Variants in PUM3 observed in about 807,000 individuals in gnomAD.
The protein encoded by PUM3 is pumilio RNA binding family member 3, also known as pumilio homolog 3.
PUM3 carries 91 observed loss-of-function variants against 84.0 expected under a neutral mutation model. That is an observed-to-expected ratio of 1.08 (90% confidence interval 0.91 to 1.29). The LOEUF is 1.29. PUM3 is among the 50% of genes most tolerant of loss of function. The probability of loss-of-function intolerance (pLI) is 0.00; values close to 1 mark genes in which losing one functional copy is unlikely to be tolerated. For synonymous variants in PUM3, 321 were observed against 266.7 expected (o/e 1.20, Z -1.98); for missense variants, 1,067 against 767.5 (o/e 1.39, Z -4.61).
At position 2,820,024 on chromosome 9, in the gene PUM3, G is replaced by C; in HGVS notation, c.1263C>G (p.Ile421Met). The change falls in exon 13 of 18, where the codon ATC (isoleucine) becomes ATG (methionine). Residue 421 changes from isoleucine to methionine, a missense_variant. Transcript: ENST00000397885. The part of the protein sequence containing the change: ...IDDTKLVKQI[I>M]ISEIISSLPS... ...GACCATCAGGATTACTTACTGATAT[G>C]ATTATCTGCTTCACAAGCTTAGTAT... is the stretch of plus-strand genomic sequence containing the variant. The C allele has an allele frequency of 6.2e-7, 1 of 1,603,190 alleles. No individual in the cohort carries two copies.
Position 2,819,853 on chromosome 9 carries a change from A to G in PUM3, c.1269+165T>C, listed in dbSNP as rs556132498. Among the ~76,000 whole-genome samples, 15 of 152,340 alleles carry G rather than the reference A, an allele frequency of 9.8e-5. No homozygotes were observed. The East Asian group carries it at 1.3e-3, about 14-fold the overall frequency. ...TTACAAGGTTAAGATTTACACAGGA[A>G]TAAAACAAACCTCCAAAATAAAACA... is the stretch of plus-strand genomic sequence containing the variant. On this transcript the variant is annotated intron_variant, in intron 13 of 17. Coordinates refer to ENST00000397885, the MANE Select transcript of PUM3 (RefSeq NM_014878.5).
chr9:2,840,117 A>C (rs1816232259), intron 1 of PUM3, among the ~76,000 whole-genome samples: 1 of 152,218 alleles, frequency 6.6e-6, no homozygotes, highest in African/African-American at 2.4e-5. Context: ...TTGGAAGACT[A>C]CCAGAGGTCA....
At chr9:2,829,994 G>T (rs755566537) in intron 7 of PUM3, 46 bp from the exon 8 acceptor site, 1 of 1,546,706 alleles carries the variant, frequency 6.5e-7, no homozygotes, top group East Asian at 2.3e-5. Context: ...GAAGGAGAAA[G>T]CTGGGTGACA....
At chr9:2,843,284 AG>A (rs758959348) in intron 1 of PUM3, among the ~76,000 whole-genome samples, 13 of 152,240 alleles carry the variant, frequency 8.5e-5, no homozygotes, top group Middle Eastern at 3.4e-3. Context: ...TCAGGAACTT[AG>A]CCCATTATCG....
intron 2 of PUM3, 144 bp from the exon 3 acceptor site, chr9:2,837,545 T>G (rs1189996154): frequency 5.0e-6 from 3 of 596,430 alleles, no homozygotes; most frequent in African/African-American, 3.8e-5. Flanking sequence ...GCCTTTTGAG[T>G]AGAACTGGAT....
Position 2,828,731 on chromosome 9 carries a change from T to A in PUM3, c.900A>T (p.Glu300Asp). The A allele has an allele frequency of 6.2e-7, 1 of 1,610,412 alleles. No individual in the cohort carries two copies. The highest frequency in any genetic ancestry group is 8.5e-7 in the Non-Finnish European group (1 of 1,176,712). ...TTTCATCCATAATAAGTTCTAATTT[T>A]TCTGGCTGTACCTCTAACACTTTGT... Reference protein sequence around the residue: ...TLDKVLEVQPEKLELIMDEMK... With the variant: ...TLDKVLEVQPDKLELIMDEMK... The change falls in exon 9 of 18, where the codon GAA becomes GAT. Residue 300 changes from glutamate to aspartate, a missense_variant. Physicochemically the swap from Glu to Asp is conservative, Grantham distance 45 (BLOSUM62 2). Coordinates refer to ENST00000397885, the MANE Select transcript of PUM3 (RefSeq NM_014878.5).
chr9:2,836,466 G>C (rs1007958485), intron 3 of PUM3, among the ~76,000 whole-genome samples: 4 of 152,178 alleles, frequency 2.6e-5, no homozygotes, highest in Non-Finnish European at 5.9e-5. Context: ...GGTTAGAAAT[G>C]ACCCACTGAA....
At chr9:2,841,567 C>G (rs1352732155) in intron 1 of PUM3, among the ~76,000 whole-genome samples, 3 of 152,156 alleles carry the variant, frequency 2.0e-5, no homozygotes, top group Non-Finnish European at 4.4e-5. Context: ...GACTCTATTT[C>G]AAATGTTAAA....
chr9:2,829,990 GAA>G lies in PUM3; in HGVS notation c.678-44_678-43del, dbSNP rs1243123640. ...CATGGAAAAATAAATGATAGAAGGA[GAA>G]AGCTGGGTGACAATAAAACACAACT... On this transcript the variant is annotated intron_variant, in intron 7 of 17. Coordinates refer to ENST00000397885, the MANE Select transcript of PUM3 (RefSeq NM_014878.5). 1.9e-6 allele frequency: 3 copies of G among 1,558,346 alleles called. No homozygotes were observed. In the East Asian group the frequency reaches 6.8e-5, roughly 35 times the overall value.
chr9:2,829,849 G>T lies in PUM3; in HGVS notation c.777C>A (p.Tyr259Ter). The T allele has an allele frequency of 6.2e-7, 1 of 1,614,082 alleles. No individual in the cohort carries two copies. The highest frequency in any genetic ancestry group is 1.1e-5 in the South Asian group (1 of 91,076). Residue 259 changes from tyrosine to a stop codon, truncating the protein, a stop_gained, in exon 8 of 18, where the codon TAC becomes TAA. Transcript: ENST00000397885. LOFTEE classifies it high-confidence loss of function. ...AEASAIVEYA[Y>*]NDKAILEQRN... The stretch of plus-strand genomic sequence containing the variant: ...TCTGCTCCAAAATGGCTTTGTCATT[G>T]TATGCGTACTCCACGATGGCTGATG...
intron 9 of PUM3, among the ~76,000 whole-genome samples, chr9:2,828,249 C>G (rs116915510): frequency 0.026 from 3,993 of 152,182 alleles, 79 homozygotes; most frequent in South Asian, 0.043. Flanking sequence ...TGCTATTGCC[C>G]CAGATGGTCT....
chr9:2,822,344 A>T (rs1213536814), intron 12 of PUM3, among the ~76,000 whole-genome samples: 1 of 152,090 alleles, frequency 6.6e-6, no homozygotes, highest in African/African-American at 2.4e-5. Context: ...AGGCCATAAA[A>T]CAGGTCTCAG....
chr9:2,835,994 A>G (rs987090492), intron 3 of PUM3, among the ~76,000 whole-genome samples: 8 of 152,232 alleles, frequency 5.3e-5, no homozygotes, highest in African/African-American at 1.7e-4. Context: ...GGAAAGAGAA[A>G]GTAGAAAAGA....
Position 2,837,219 on chromosome 9 carries a change from T to C in PUM3, c.265A>G (p.Asn89Asp), listed in dbSNP as rs751174978. 21 of 1,614,046 alleles carry C rather than the reference T, an allele frequency of 1.3e-5. No individual in the cohort carries two copies. The highest frequency in any genetic ancestry group is 3.3e-5 in the Admixed American group (2 of 60,010). Residue 89 changes from asparagine to aspartate, a missense_variant, in exon 3 of 18, where the codon AAC becomes GAC. Transcript: ENST00000397885. Reference sequence around the variant, plus strand: ...TCTGGCTGGAATTTTCTCTTCTTGTTGAATTTATTTGCCGGCTGGAATTTG... The same window carrying C: ...TCTGGCTGGAATTTTCTCTTCTTGTCGAATTTATTTGCCGGCTGGAATTTG... ...KNKFQPANKF[N>D]KKRKFQPDGR...
At chr9:2,832,799 A>G (rs373756936) in intron 5 of PUM3, among the ~76,000 whole-genome samples, 1 of 152,220 alleles carries the variant, frequency 6.6e-6, no homozygotes, top group Non-Finnish European at 1.5e-5. Flanking sequence ...CCGTAAAACT[A>G]TGAGAATCTG....
intron 17 of PUM3, among the ~76,000 whole-genome samples, chr9:2,807,219 A>C (rs959418514): frequency 2.0e-5 from 3 of 151,374 alleles, no homozygotes; most frequent in Non-Finnish European, 4.4e-5. Context: ...AAAAAAAAAA[A>C]TTATGTTTTG....
intron 15 of PUM3, 145 bp from the exon 16 acceptor site, chr9:2,810,576 T>C (rs865990846): frequency 8.4e-6 from 5 of 591,988 alleles, no homozygotes; most frequent in Middle Eastern, 4.4e-4. Flanking sequence ...GGTCTTTATC[T>C]AGGACAACCA....
chr9:2,826,985 C>A, intron 10 of PUM3, 88 bp downstream of exon 10: 1 of 980,004 alleles, frequency 1.0e-6, no homozygotes, highest in South Asian at 1.6e-5. Context: ...AAAATTTCCA[C>A]AAGACAACGT....
intron 1 of PUM3, among the ~76,000 whole-genome samples, chr9:2,838,800 T>G (rs942092843): frequency 1.3e-5 from 2 of 152,196 alleles, no homozygotes; most frequent in Non-Finnish European, 2.9e-5. Flanking sequence ...ACAATAGTAC[T>G]GGCTAAAAAT....
Sources: allele counts gnomAD v4.1 joint callset (sites outside exome capture counted in the v4.1 genomes callset), GRCh38; gene constraint gnomAD v4.1.1; transcripts MANE v1.5; gene names NCBI Gene and HGNC (gene_info 2026-07-23, HGNC 2026-07-21).